TENM3: variants seen among roughly 807,000 people sequenced by gnomAD.
TENM3 encodes the protein teneurin-3.
A neutral mutation model predicts 255.1 loss-of-function variants in TENM3; 63 were observed. The ratio of observed to expected loss-of-function variants is 0.25; its 90% confidence interval spans 0.20 to 0.30. The LOEUF is 0.30. TENM3 is among the 10% of genes least tolerant of loss of function. The pLI, the probability that TENM3 is intolerant of heterozygous loss-of-function variation, is 1.00. For synonymous variants in TENM3, 1,306 were observed against 1,322.3 expected (o/e 0.99, Z 0.27); for missense variants, 2,929 against 3,461.1 (o/e 0.85, Z 3.86).
chr4:182,266,548 A>G (rs2150192798), intron 1 of TENM3, among the ~76,000 whole-genome samples: 1 of 152,296 alleles, frequency 6.6e-6, no homozygotes, highest in Admixed American at 6.5e-5. Flanking sequence ...AAAGGTTTAT[A>G]AGAATCTTAC....
At chr4:181,859,265 AAT>A in the TENM3 span, among the ~76,000 whole-genome samples, 3 of 146,952 alleles carry the variant, frequency 2.0e-5, 1 homozygote, top group Non-Finnish European at 4.5e-5. Flanking sequence ...AAAAAAAAAA[AAT>A]CCCTCATTTT....
At chr4:182,265,369 C>T (rs1455879059) in intron 1 of TENM3, among the ~76,000 whole-genome samples, 1 of 152,140 alleles carries the variant, frequency 6.6e-6, no homozygotes, top group African/African-American at 2.4e-5. Context: ...CCACCCCACG[C>T]TGGAGATGAG....
At chr4:182,568,717 A>G (rs1744046529) in intron 3 of TENM3, among the ~76,000 whole-genome samples, 1 of 152,238 alleles carries the variant, frequency 6.6e-6, no homozygotes, top group South Asian at 2.1e-4. Context: ...AGAATTACCT[A>G]AAACAGGAAA....
chr4:181,484,507 G>A, the TENM3 span, among the ~76,000 whole-genome samples: 2 of 151,942 alleles, frequency 1.3e-5, no homozygotes, highest in Non-Finnish European at 2.9e-5. Flanking sequence ...TACATGCTGC[G>A]GTTAGATTGA....
intron 3 of TENM3, among the ~76,000 whole-genome samples, chr4:182,432,803 G>A (rs1771754370): frequency 7.7e-6 from 1 of 130,378 alleles, no homozygotes; most frequent in African/African-American, 2.8e-5. Context: ...AATGGCACTG[G>A]GGGGTCATTT....
chr4:182,620,706 A>G (rs1750038845), intron 4 of TENM3, among the ~76,000 whole-genome samples: 1 of 152,168 alleles, frequency 6.6e-6, no homozygotes, highest in Admixed American at 6.5e-5. Flanking sequence ...GAAAATATCA[A>G]AGACTGGTGA....
At chr4:181,981,571 A>G in the TENM3 span, among the ~76,000 whole-genome samples, 1 of 152,232 alleles carries the variant, frequency 6.6e-6, no homozygotes, top group Non-Finnish European at 1.5e-5. Context: ...ACAAGTTTTC[A>G]TCAAAACAGA....
Position 182,754,331 on chromosome 4 carries a change from GA to G in TENM3, c.4018-52del. The G allele has an allele frequency of 1.4e-6, 2 of 1,477,196 alleles. No homozygotes were observed. Among genetic ancestry groups the G allele is most frequent in the Non-Finnish European group, 1.8e-6 (2 of 1,106,328 alleles). The allele number at this position is 1,477,196 out of a possible 1,614,324, so 91.5% of individuals were successfully genotyped here. A position where few individuals can be genotyped will look rare whatever the true frequency, so the allele number is the denominator to read the frequency against. Reference sequence around the variant, plus strand: ...GAATGGTCTAATTTACTCTTCTGGCGAATTAACTGTAGTGCAGTAACTTACT... The same window carrying G: ...GAATGGTCTAATTTACTCTTCTGGCGATTAACTGTAGTGCAGTAACTTACT... On this transcript the variant is annotated intron_variant, in intron 21 of 27. Transcript: ENST00000511685. This position sits in a 1 kb window ranked among gnomAD's most constrained non-coding sequence, Gnocchi z 5.1.
chr4:182,177,387 G>C (rs1192327272), intron 1 of TENM3, among the ~76,000 whole-genome samples: 4 of 151,988 alleles, frequency 2.6e-5, no homozygotes, highest in Admixed American at 2.6e-4. Flanking sequence ...CTTAGCATCA[G>C]TACACAGAGC....
At chr4:182,769,379 T>C (rs1008867484) in intron 22 of TENM3, among the ~76,000 whole-genome samples, 9 of 151,912 alleles carry the variant, frequency 5.9e-5, no homozygotes, top group Non-Finnish European at 1.2e-4. Context: ...TCATTTCTGT[T>C]GACATAGGTG....
At chr4:181,480,924 T>C in the TENM3 span, among the ~76,000 whole-genome samples, 1 of 151,384 alleles carries the variant, frequency 6.6e-6, no homozygotes, top group Non-Finnish European at 1.5e-5. Context: ...TATTATTCCA[T>C]GAGTAAAGGG....
the TENM3 span, among the ~76,000 whole-genome samples, chr4:182,027,857 T>A: frequency 3.9e-5 from 6 of 152,190 alleles, no homozygotes. Flanking sequence ...TATTGTTGAA[T>A]TCAGTTTGCT....
chr4:182,051,876 G>C, the TENM3 span, among the ~76,000 whole-genome samples: 3 of 152,128 alleles, frequency 2.0e-5, no homozygotes, highest in African/African-American at 7.2e-5. Context: ...AGAAAGTCAT[G>C]TTGGAGACAA....
At chr4:181,658,901 G>A in the TENM3 span, among the ~76,000 whole-genome samples, 3 of 152,256 alleles carry the variant, frequency 2.0e-5, no homozygotes, top group Non-Finnish European at 4.4e-5. Flanking sequence ...CAAAGCGTGC[G>A]CCTATAATGA....
intron 4 of TENM3, 22 bp from the exon 5 acceptor site, chr4:182,628,629 A>G (rs1360794457): frequency 5.6e-6 from 8 of 1,422,926 alleles, no homozygotes; most frequent in Non-Finnish European, 6.8e-6. Context: ...GTATCTTATA[A>G]TGATATTCTC....
the TENM3 span, among the ~76,000 whole-genome samples, chr4:181,466,450 A>G: frequency 0.71 from 107,353 of 151,974 alleles, 38,256 homozygotes; most frequent in Non-Finnish European, 0.74. Flanking sequence ...TAAGGAAACT[A>G]TATGCCACAG....
At chr4:182,539,322 T>C (rs1454872030) in intron 3 of TENM3, among the ~76,000 whole-genome samples, 2 of 151,892 alleles carry the variant, frequency 1.3e-5, no homozygotes, top group Non-Finnish European at 2.9e-5. Context: ...AATGCTCTGC[T>C]TGATTCATTT....
At chr4:182,767,628 C>CG (rs1245545093) in intron 22 of TENM3, among the ~76,000 whole-genome samples, 1 of 152,046 alleles carries the variant, frequency 6.6e-6, no homozygotes, top group African/African-American at 2.4e-5. Flanking sequence ...CGTATATACA[C>CG]TACGTATACT....
intron 1 of TENM3, among the ~76,000 whole-genome samples, chr4:182,266,016 C>T (rs1759220490): frequency 6.6e-6 from 1 of 152,144 alleles, no homozygotes; most frequent in Admixed American, 6.5e-5. Context: ...ATTTACCTAC[C>T]TTACCTACCA....
Sources: gnomAD v4.1 joint callset for allele counts (sites outside exome capture counted in the v4.1 genomes callset) on GRCh38, gnomAD v4.1.1 for gene constraint, Gnocchi (gnomAD v3.1) non-coding constraint, MANE v1.5 for transcripts, NCBI Gene and HGNC (gene_info 2026-07-23, HGNC 2026-07-21) for gene names.